Variants in PDE4B observed in about 807,000 individuals in gnomAD.
PDE4B encodes phosphodiesterase 4B, also known as 3',5'-cyclic-AMP phosphodiesterase 4B.
In PDE4B, 20 loss-of-function variants were observed where a neutral mutation model predicts 82.2. The ratio of observed to expected loss-of-function variants is 0.24; its 90% confidence interval spans 0.17 to 0.35. The LOEUF is 0.35. PDE4B is among the 10% of genes least tolerant of loss of function. The pLI, the probability that PDE4B is intolerant of heterozygous loss-of-function variation, is 1.00. For synonymous variants in PDE4B, 320 were observed against 318.9 expected, an observed-to-expected ratio of 1.00 and a Z score of -0.04; for missense variants, 655 against 907.2, an observed-to-expected ratio of 0.72 and a Z score of 3.57.
At chr1:65,988,086 G>C (rs190553048) in intron 3 of PDE4B, among the ~76,000 whole-genome samples, 2 of 152,256 alleles carry the variant, frequency 1.3e-5, no homozygotes, top group East Asian at 1.9e-4. Context: ...ATTTCAAACA[G>C]GGAATTTCAA....
At chr1:66,298,384 G>A (rs1657657972) in intron 7 of PDE4B, among the ~76,000 whole-genome samples, 1 of 152,158 alleles carries the variant, frequency 6.6e-6, no homozygotes, top group South Asian at 2.1e-4. Flanking sequence ...GTAGACCACA[G>A]AAGGGCCAAG....
At chr1:66,112,298 G>T (rs1478660587) in intron 3 of PDE4B, among the ~76,000 whole-genome samples, 1 of 151,904 alleles carries the variant, frequency 6.6e-6, no homozygotes, top group Non-Finnish European at 1.5e-5. Context: ...TTTTCATTTA[G>T]ATCATTTATT....
At chr1:65,822,369 T>C (rs1021230439) in intron 1 of PDE4B, among the ~76,000 whole-genome samples, 5 of 152,206 alleles carry the variant, frequency 3.3e-5, no homozygotes, top group African/African-American at 9.6e-5. Flanking sequence ...GTGAAATTGC[T>C]GTCTTAAACT....
intron 3 of PDE4B, among the ~76,000 whole-genome samples, chr1:65,961,210 CA>C (rs1426513237): frequency 1.3e-5 from 2 of 151,908 alleles, no homozygotes; most frequent in Non-Finnish European, 2.9e-5. Context: ...TGGAATTGTC[CA>C]AAAGCCTTCT....
At chr1:65,913,130 G>A (rs193138456) in intron 1 of PDE4B, 115 bp from the exon 2 acceptor site, 7 of 459,096 alleles carry the variant, frequency 1.5e-5, no homozygotes, top group African/African-American at 4.0e-5. Flanking sequence ...AAATTATGAT[G>A]TTTGCTTTTA....
intron 3 of PDE4B, among the ~76,000 whole-genome samples, chr1:66,014,119 C>T (rs1223345935): frequency 6.6e-6 from 1 of 151,904 alleles, no homozygotes; most frequent in African/African-American, 2.4e-5. Context: ...TGTTTAAGTC[C>T]TTTGTACATT....
intron 3 of PDE4B, among the ~76,000 whole-genome samples, chr1:66,247,126 A>C (rs1283483883): frequency 6.6e-6 from 1 of 152,174 alleles, no homozygotes; most frequent in African/African-American, 2.4e-5. Flanking sequence ...AAGTTGTTGT[A>C]TGCCTGGCAC....
intron 3 of PDE4B, among the ~76,000 whole-genome samples, chr1:66,224,308 C>T (rs1651250803): frequency 6.6e-6 from 1 of 152,178 alleles, no homozygotes; most frequent in Non-Finnish European, 1.5e-5. Context: ...ATTAAAATTA[C>T]TCCTTCCTAA....
chr1:66,316,528 G>GAC (rs1217772435), intron 7 of PDE4B, among the ~76,000 whole-genome samples: 3 of 152,204 alleles, frequency 2.0e-5, no homozygotes, highest in Non-Finnish European at 2.9e-5. Context: ...TATCAGAAGT[G>GAC]ACATGCAAAA....
chr1:65,899,057 A>C (rs1646942364), intron 1 of PDE4B, among the ~76,000 whole-genome samples: 1 of 152,160 alleles, frequency 6.6e-6, no homozygotes, highest in South Asian at 2.1e-4. Context: ...AATCCTCACA[A>C]TCTATACATC....
chr1:65,797,407 AT>A, intron 1 of PDE4B, among the ~76,000 whole-genome samples: 1 of 152,140 alleles, frequency 6.6e-6, no homozygotes, highest in Non-Finnish European at 1.5e-5. Context: ...CTGGGTTTCT[AT>A]TTAAATCTTG....
intron 1 of PDE4B, among the ~76,000 whole-genome samples, chr1:65,853,326 G>GTT (rs1435520152): frequency 2.6e-5 from 4 of 152,026 alleles, no homozygotes; most frequent in African/African-American, 9.7e-5. Context: ...ATTTAAAGAA[G>GTT]TTTGTCAATC....
chr1:65,897,255 A>G (rs1199544705), intron 1 of PDE4B, among the ~76,000 whole-genome samples: 1 of 152,178 alleles, frequency 6.6e-6, no homozygotes, highest in Non-Finnish European at 1.5e-5. Context: ...CAGAGACCTT[A>G]CCTGTACACA....
At chr1:65,901,336 GC>G (rs1646969959) in intron 1 of PDE4B, among the ~76,000 whole-genome samples, 1 of 152,038 alleles carries the variant, frequency 6.6e-6, no homozygotes. Flanking sequence ...TTTCTGATGT[GC>G]TTCTGAATTC....
intron 3 of PDE4B, among the ~76,000 whole-genome samples, chr1:66,199,574 C>T (rs555996121): frequency 6.6e-6 from 1 of 151,854 alleles, no homozygotes; most frequent in South Asian, 2.1e-4. Flanking sequence ...AGTTGCCTCC[C>T]ATTTTGTAGG....
chr1:66,325,865 T>G (rs192557314), intron 7 of PDE4B, among the ~76,000 whole-genome samples: 35 of 152,348 alleles, frequency 2.3e-4, no homozygotes, highest in Admixed American at 3.3e-4. Context: ...TGGCGTATAC[T>G]GATTCACTTA....
At chr1:66,026,674 C>G (rs886650466) in intron 3 of PDE4B, among the ~76,000 whole-genome samples, 3 of 152,174 alleles carry the variant, frequency 2.0e-5, no homozygotes, top group African/African-American at 7.2e-5. Context: ...ATAAAGCACT[C>G]AGCAATGTGC....
chr1:66,207,015 A>G (rs1362081975), intron 3 of PDE4B, among the ~76,000 whole-genome samples: 1 of 152,182 alleles, frequency 6.6e-6, no homozygotes, highest in Non-Finnish European at 1.5e-5. Flanking sequence ...CACTTGGTGA[A>G]AGATTACCAA....
intron 3 of PDE4B, among the ~76,000 whole-genome samples, chr1:66,172,982 A>G (rs1017516464): frequency 6.6e-6 from 1 of 152,186 alleles, no homozygotes; most frequent in Non-Finnish European, 1.5e-5. Flanking sequence ...TAATTATCAG[A>G]TAGAGTGAAC....
Sources: allele counts gnomAD v4.1 joint callset (sites outside exome capture counted in the v4.1 genomes callset), GRCh38; gene constraint gnomAD v4.1.1; transcripts MANE v1.5; gene names NCBI Gene and HGNC (gene_info 2026-07-23, HGNC 2026-07-21).